The following CACNA2D1 variants were observed in gnomAD, a reference collection of about 807,000 sequenced individuals.
CACNA2D1 encodes the protein voltage-dependent calcium channel subunit alpha-2/delta-1.
In CACNA2D1, 53 loss-of-function variants were observed where a neutral mutation model predicts 171.5. The ratio of observed to expected loss-of-function variants is 0.31; its 90% CI spans 0.25 to 0.39. CACNA2D1 has a LOEUF of 0.39. Ranked by LOEUF, CACNA2D1 falls within the 10% of genes least tolerant of loss-of-function variation. The pLI, the probability that CACNA2D1 is intolerant of heterozygous loss-of-function variation, is 1.00. For missense variants in CACNA2D1, 903 were observed against 1,299.8 expected (o/e 0.69, Z 4.69); for synonymous variants, 442 against 443.1 (o/e 1.00, Z 0.03).
At chr7:82,082,678 G>A (rs1041966277) in intron 7 of CACNA2D1, among the ~76,000 whole-genome samples, 1 of 150,862 alleles carries the variant, frequency 6.6e-6, no homozygotes, top group Admixed American at 6.6e-5. Flanking sequence ...ACCGTCTTCT[G>A]CTTGAAAGTA....
intron 3 of CACNA2D1, among the ~76,000 whole-genome samples, chr7:82,275,004 T>C (rs1470815657): frequency 1.3e-5 from 2 of 149,554 alleles, no homozygotes; most frequent in African/African-American, 4.9e-5. Flanking sequence ...CTAAAGCATG[T>C]AGCAACAAAA....
chr7:81,962,551 A>T, intron 34 of CACNA2D1, 56 bp from the exon 35 acceptor site: 1 of 1,042,224 alleles, frequency 9.6e-7, no homozygotes, highest in Non-Finnish European at 1.5e-6. Context: ...GTGTTTTTAC[A>T]TGTACCCATA....
At chr7:82,326,192 T>C (rs1045829405) in intron 3 of CACNA2D1, among the ~76,000 whole-genome samples, 1 of 152,228 alleles carries the variant, frequency 6.6e-6, no homozygotes, top group African/African-American at 2.4e-5. Flanking sequence ...TCACATTTAT[T>C]TCAGTGTTTA....
intron 1 of CACNA2D1, among the ~76,000 whole-genome samples, chr7:82,378,579 G>C (rs1316516153): frequency 6.6e-6 from 1 of 151,906 alleles, no homozygotes; most frequent in Non-Finnish European, 1.5e-5. Flanking sequence ...TATAATTTTT[G>C]TGCATTACAG....
intron 4 of CACNA2D1, among the ~76,000 whole-genome samples, chr7:82,143,897 G>T (rs1050354233): frequency 6.6e-6 from 1 of 152,120 alleles, no homozygotes; most frequent in Non-Finnish European, 1.5e-5. Flanking sequence ...AACATGTAGG[G>T]TTCTTTGGTA....
At chr7:82,066,378 T>TA (rs1807602252) in intron 8 of CACNA2D1, 77 bp downstream of exon 8, 3 of 1,556,396 alleles carry the variant, frequency 1.9e-6, no homozygotes, top group African/African-American at 2.7e-5. Context: ...ATCCTAATAA[T>TA]AAAAAATTCT....
intron 5 of CACNA2D1, among the ~76,000 whole-genome samples, chr7:82,136,245 C>T (rs370755013): frequency 1.3e-5 from 2 of 152,230 alleles, no homozygotes; most frequent in East Asian, 3.9e-4. Flanking sequence ...ATGGTTCTCC[C>T]TGGTGTGCAA....
At chr7:82,291,652 T>C (rs1811639111) in intron 3 of CACNA2D1, among the ~76,000 whole-genome samples, 1 of 138,426 alleles carries the variant, frequency 7.2e-6, no homozygotes, top group Non-Finnish European at 1.5e-5. Flanking sequence ...TGTGTGTGCA[T>C]ATATATATAT....
intron 3 of CACNA2D1, among the ~76,000 whole-genome samples, chr7:82,278,971 T>C (rs913151857): frequency 2.0e-5 from 3 of 152,154 alleles, no homozygotes; most frequent in Admixed American, 6.5e-5. Flanking sequence ...AGCAAAACCA[T>C]GTGACTTCTC....
intron 6 of CACNA2D1, 62 bp from the exon 7 acceptor site, chr7:82,084,962 CATTT>C (rs1163059737): frequency 1.2e-5 from 15 of 1,227,744 alleles, no homozygotes; most frequent in African/African-American, 1.2e-4. Flanking sequence ...TGAATGTCTT[CATTT>C]ATTTACAAAA....
At chr7:82,136,421 A>C (rs918868244) in intron 5 of CACNA2D1, among the ~76,000 whole-genome samples, 2 of 152,102 alleles carry the variant, frequency 1.3e-5, no homozygotes, top group East Asian at 3.8e-4. Flanking sequence ...GTTCAGATCC[A>C]GAGAAACACA....
At chr7:81,973,403 T>C (rs1795497976) in intron 25 of CACNA2D1, among the ~76,000 whole-genome samples, 1 of 152,084 alleles carries the variant, frequency 6.6e-6, no homozygotes, top group Non-Finnish European at 1.5e-5. Flanking sequence ...CGCTAACTAA[T>C]CTGTGCTAAA....
At chr7:82,273,106 T>C (rs752766672) in intron 3 of CACNA2D1, among the ~76,000 whole-genome samples, 24 of 152,186 alleles carry the variant, frequency 1.6e-4, no homozygotes, top group Non-Finnish European at 2.6e-4. Context: ...AAAAGTGAGA[T>C]GCCATTTGTT....
At chr7:82,174,424 A>AT in intron 3 of CACNA2D1, among the ~76,000 whole-genome samples, 3 of 152,116 alleles carry the variant, frequency 2.0e-5, no homozygotes, top group Non-Finnish European at 4.4e-5. Flanking sequence ...ATTTATAAAA[A>AT]GTAATAGATG....
At chr7:82,070,772 T>C (rs940465402) in intron 7 of CACNA2D1, among the ~76,000 whole-genome samples, 1 of 152,094 alleles carries the variant, frequency 6.6e-6, no homozygotes, top group South Asian at 2.1e-4. Context: ...CCCAATGGAA[T>C]GGGAAGACAG....
chr7:82,332,991 G>A (rs944374909), intron 3 of CACNA2D1, among the ~76,000 whole-genome samples: 3 of 152,066 alleles, frequency 2.0e-5, no homozygotes, highest in African/African-American at 4.8e-5. Context: ...GAAGTGAGAC[G>A]CTGTCTCAAA....
chr7:82,160,586 C>T (rs77987685), intron 4 of CACNA2D1, among the ~76,000 whole-genome samples: 1,627 of 152,086 alleles, frequency 0.011, 30 homozygotes, highest in African/African-American at 0.036. Flanking sequence ...TCACTGCTCA[C>T]GCCTCCCAAG....
chr7:82,276,535 C>A (rs1381039030), intron 3 of CACNA2D1, among the ~76,000 whole-genome samples: 2 of 152,270 alleles, frequency 1.3e-5, no homozygotes, highest in African/African-American at 4.8e-5. Context: ...GGGATGGTGG[C>A]AAGAGTGTCC....
At chr7:82,050,952 C>A in intron 10 of CACNA2D1, 1 of 297,456 alleles carries the variant, frequency 3.4e-6, no homozygotes, top group Non-Finnish European at 6.5e-6. Flanking sequence ...TGCAATTCTA[C>A]CAGTCCATCT....
Sources: allele counts gnomAD v4.1 joint callset (sites outside exome capture counted in the v4.1 genomes callset), GRCh38; gene constraint gnomAD v4.1.1; transcripts MANE v1.5; gene names NCBI Gene and HGNC (gene_info 2026-07-23, HGNC 2026-07-21).